Variants in RANBP2 observed in about 807,000 individuals in gnomAD.
The protein encoded by RANBP2 is E3 SUMO-protein ligase RanBP2.
RANBP2 carries 57 observed loss-of-function variants against 303.6 expected under a neutral mutation model. That is an observed-to-expected ratio of 0.19 (90% CI 0.15 to 0.23). RANBP2 has a LOEUF of 0.23. Among genes scored for constraint, RANBP2 ranks in the 10% least tolerant of loss-of-function variants. The pLI, the probability that RANBP2 is intolerant of heterozygous loss-of-function variation, is 1.00. For synonymous variants in RANBP2, 1,167 were observed against 1,301.5 expected, an observed-to-expected ratio of 0.90 and a Z score of 2.23; for missense variants, 3,138 against 3,780.8, an observed-to-expected ratio of 0.83 and a Z score of 4.46.
At chr2:109,500,261 G>A in the RANBP2 span, among the ~76,000 whole-genome samples, 1 of 152,178 alleles carries the variant, frequency 6.6e-6, no homozygotes, top group African/African-American at 2.4e-5. Context: ...AGAGGGCTCA[G>A]AGGAGCCAGG....
the RANBP2 span, among the ~76,000 whole-genome samples, chr2:109,464,149 G>C: frequency 6.6e-6 from 1 of 152,156 alleles, no homozygotes; most frequent in Non-Finnish European, 1.5e-5. Context: ...TACTTCCAGG[G>C]ACAAGAGCTC....
At chr2:109,550,612 C>G in the RANBP2 span, among the ~76,000 whole-genome samples, 4 of 152,248 alleles carry the variant, frequency 2.6e-5, no homozygotes, top group South Asian at 4.2e-4. Context: ...CCACGCCCGG[C>G]CCCATTTTTA....
the RANBP2 span, among the ~76,000 whole-genome samples, chr2:109,646,236 G>A: frequency 6.6e-6 from 1 of 152,162 alleles, no homozygotes; most frequent in Admixed American, 6.5e-5. Flanking sequence ...TTCAGACTAG[G>A]ACCAGGGTCA....
the RANBP2 span, among the ~76,000 whole-genome samples, chr2:109,462,856 C>T: frequency 1.3e-5 from 2 of 152,200 alleles, no homozygotes; most frequent in South Asian, 2.1e-4. Context: ...ATAAGCCCGT[C>T]CCTGACTGGC....
At chr2:109,402,133 G>A in the RANBP2 span, among the ~76,000 whole-genome samples, 1 of 152,244 alleles carries the variant, frequency 6.6e-6, no homozygotes, top group East Asian at 1.9e-4. Flanking sequence ...CCAGTGTGCT[G>A]CTATGGTCTG....
the RANBP2 span, among the ~76,000 whole-genome samples, chr2:109,524,457 A>AC: frequency 1.4e-5 from 1 of 72,352 alleles, no homozygotes; most frequent in Admixed American, 1.3e-4. Flanking sequence ...AAAAAAAAAA[A>AC]AAAAAAAAAC....
the RANBP2 span, chr2:109,614,502 G>A: frequency 3.2e-6 from 4 of 1,249,440 alleles, no homozygotes; most frequent in Non-Finnish European, 4.0e-6. Flanking sequence ...GGAGGGGCCG[G>A]CAGAGTGGGG....
At chr2:108,926,777 G>A in the RANBP2 span, among the ~76,000 whole-genome samples, 2 of 152,314 alleles carry the variant, frequency 1.3e-5, no homozygotes, top group East Asian at 1.9e-4. Context: ...CTGCCAAACC[G>A]CAGGCAGGGG....
the RANBP2 span, among the ~76,000 whole-genome samples, chr2:109,040,581 C>T: frequency 6.6e-6 from 1 of 152,118 alleles, no homozygotes; most frequent in Non-Finnish European, 1.5e-5. Flanking sequence ...ATTAAAATTT[C>T]CAATCCACAG....
At chr2:109,513,334 TCA>T in the RANBP2 span, among the ~76,000 whole-genome samples, 1 of 146,200 alleles carries the variant, frequency 6.8e-6, no homozygotes, top group East Asian at 2.1e-4. Flanking sequence ...TGCACACACC[TCA>T]CACATGTACA....
At chr2:108,953,719 A>G in the RANBP2 span, among the ~76,000 whole-genome samples, 17 of 152,206 alleles carry the variant, frequency 1.1e-4, no homozygotes, top group African/African-American at 4.1e-4. Context: ...ACAAGGACCT[A>G]AGGTAGGCTG....
the RANBP2 span, among the ~76,000 whole-genome samples, chr2:109,555,917 C>T: frequency 6.6e-6 from 1 of 152,242 alleles, no homozygotes; most frequent in African/African-American, 2.4e-5. Context: ...TGCCAAACTC[C>T]CCAGTTAGAA....
At chr2:109,051,752 C>CTT in the RANBP2 span, among the ~76,000 whole-genome samples, 7 of 140,992 alleles carry the variant, frequency 5.0e-5, no homozygotes, top group East Asian at 6.1e-4. Context: ...TTTCTAAGTT[C>CTT]TTTTTTTTTT....
the RANBP2 span, among the ~76,000 whole-genome samples, chr2:109,090,334 A>ACC: frequency 0.059 from 8,402 of 142,152 alleles, 287 homozygotes; most frequent in Non-Finnish European, 0.074. Flanking sequence ...ACACACACAC[A>ACC]CACACACACA....
the RANBP2 span, among the ~76,000 whole-genome samples, chr2:109,711,402 C>A: frequency 6.6e-6 from 1 of 152,118 alleles, no homozygotes; most frequent in East Asian, 1.9e-4. Flanking sequence ...ACTAGCCTCC[C>A]ACACCTGCCC....
chr2:109,742,398 G>A, the RANBP2 span, among the ~76,000 whole-genome samples: 1 of 138,842 alleles, frequency 7.2e-6, no homozygotes, highest in Non-Finnish European at 1.5e-5. Context: ...TCCAGCCTGG[G>A]TGACAAGAGG....
At chr2:109,475,912 C>A in the RANBP2 span, among the ~76,000 whole-genome samples, 2 of 152,308 alleles carry the variant, frequency 1.3e-5, no homozygotes, top group African/African-American at 4.8e-5. Context: ...ACGAGCTTCA[C>A]CTTCATCAAC....
chr2:109,316,617 C>G, the RANBP2 span, among the ~76,000 whole-genome samples: 3 of 152,194 alleles, frequency 2.0e-5, no homozygotes, highest in South Asian at 2.1e-4. Flanking sequence ...TCCCATAGAC[C>G]TCCTGCCCCG....
the RANBP2 span, chr2:109,347,584 C>G: frequency 6.6e-7 from 1 of 1,505,404 alleles, no homozygotes; most frequent in Admixed American, 2.1e-5. Flanking sequence ...ACAGAAAGCC[C>G]CTGAGAAGCC....
Sources: allele counts gnomAD v4.1 joint callset (sites outside exome capture counted in the v4.1 genomes callset), GRCh38; gene constraint gnomAD v4.1.1; transcripts MANE v1.5; gene names NCBI Gene and HGNC (gene_info 2026-07-23, HGNC 2026-07-21).